NCALD: variants seen among roughly 807,000 people sequenced by gnomAD.
NCALD encodes the protein neurocalcin-delta.
Under a neutral mutation model 18.6 loss-of-function variants are expected in NCALD, and 10 were observed. The observed-to-expected ratio is 0.54, with a 90% CI of 0.33 to 0.91. The LOEUF (loss-of-function observed/expected upper bound fraction) is 0.91, where lower values mean the gene tolerates loss of function less well. Ranked by LOEUF, NCALD falls within the 40% of genes least tolerant of loss-of-function variation. The pLI is 0.03. For missense variants in NCALD, 184 were observed against 247.6 expected, an observed-to-expected ratio of 0.74 and a Z score of 1.72; for synonymous variants, 88 against 87.4, an observed-to-expected ratio of 1.01 and a Z score of -0.04.
intron 4 of NCALD, among the ~76,000 whole-genome samples, chr8:101,854,907 T>C (rs984492624): frequency 6.6e-6 from 1 of 152,164 alleles, no homozygotes; most frequent in African/African-American, 2.4e-5. Flanking sequence ...GTACTAGGGA[T>C]ACTGAGATCA....
chr8:101,935,836 G>GTCT (rs2131728476), intron 2 of NCALD, among the ~76,000 whole-genome samples: 1 of 142,562 alleles, frequency 7.0e-6, no homozygotes, highest in African/African-American at 2.6e-5. Context: ...TATGTAAGAT[G>GTCT]ATGGAAATGA....
chr8:102,111,531 A>C (rs553507808), intron 1 of NCALD, among the ~76,000 whole-genome samples: 21 of 152,094 alleles, frequency 1.4e-4, no homozygotes, highest in Non-Finnish European at 2.8e-4. Flanking sequence ...ATGGTGCAGC[A>C]ATCTGCCTTT....
rs564304285 is a variant in NCALD, at chr8:102,060,745, G to T, written c.-209-40456C>A. ...CATTACAATCGGTCATCTGTGTCCC[G>T]AGTACTTCAGGCTTTAACTCAATCA... On this transcript the variant is annotated intron_variant, in intron 1 of 6. Transcript: ENST00000311028. Among the ~76,000 whole-genome samples, 3 of 151,878 alleles carry T rather than the reference G, an allele frequency of 2.0e-5. No individual in the cohort carries two copies. The South Asian group carries it at 6.2e-4, about 32-fold the overall frequency.
Position 101,689,342 on chromosome 8 carries a change from C to T in NCALD, c.549G>A (p.Leu183=), listed in dbSNP as rs1428273943. Residue 183 remains leucine (L), a synonymous_variant, in exon 4 of 4, where the codon CTG becomes CTA. Coordinates refer to ENST00000220931, the MANE Select transcript of NCALD (RefSeq NM_032041.3). This position sits in a 1 kb window ranked among gnomAD's most constrained non-coding sequence, Gnocchi z 4.4. ...AKSDPSIVRL[L]QCDPSSAGQF ...GGCCGGCACTGCTCGGGTCGCACTGCAGGAGGCGCACAATGGACGGGTCGC... is the reference window on the plus strand; with the variant it reads ...GGCCGGCACTGCTCGGGTCGCACTGTAGGAGGCGCACAATGGACGGGTCGC... The T allele has an allele frequency of 1.2e-6, 2 of 1,613,742 alleles. No individual in the cohort carries two copies. The highest frequency in any genetic ancestry group is 2.7e-5 in the African/African-American group (2 of 75,050).
intron 3 of NCALD, among the ~76,000 whole-genome samples, chr8:101,907,693 C>T (rs1052333901): frequency 3.3e-5 from 5 of 152,180 alleles, no homozygotes; most frequent in African/African-American, 1.2e-4. Flanking sequence ...TATTTCCAAC[C>T]CAGTGCTAGG....
chr8:101,806,824 G>A (rs1813119609), intron 4 of NCALD, among the ~76,000 whole-genome samples: 1 of 151,440 alleles, frequency 6.6e-6, no homozygotes, highest in East Asian at 1.9e-4. Context: ...ACTCCAAACA[G>A]GATAAACACA....
chr8:101,707,799 C>T (rs570703287), intron 2 of NCALD, among the ~76,000 whole-genome samples: 25 of 152,108 alleles, frequency 1.6e-4, no homozygotes, highest in Admixed American at 1.0e-3. Context: ...ACCCAGGAGA[C>T]GGAGGTTGCG....
At chr8:102,010,675 A>G (rs944814765) in intron 2 of NCALD, among the ~76,000 whole-genome samples, 2 of 152,236 alleles carry the variant, frequency 1.3e-5, no homozygotes, top group Admixed American at 6.5e-5. Context: ...GGGAAAGAAC[A>G]GCAACTTTGG....
chr8:101,834,783 A>G (rs1814339544), intron 4 of NCALD, among the ~76,000 whole-genome samples: 1 of 152,250 alleles, frequency 6.6e-6, no homozygotes, highest in African/African-American at 2.4e-5. Flanking sequence ...GGAGGAACTT[A>G]AGACACTTTA....
At position 102,111,600 on chromosome 8, in the gene NCALD, C is replaced by T. The variant is rs183468098; in HGVS notation, c.-210+12637G>A. On this transcript the variant is annotated intron_variant, in intron 1 of 6. Transcript: ENST00000311028. ...CAAAGGAACCCCAGCCAGAGCAACA[C>T]CCCAATATTAAAAAGTTTTAAATAA... is the stretch of plus-strand genomic sequence containing the variant. 2.2e-3 allele frequency among the ~76,000 whole-genome samples: 329 copies of T among 152,258 alleles called. 2 individuals carry two copies. The highest frequency in any genetic ancestry group is 7.5e-3 in the African/African-American group (310 of 41,538).
intron 2 of NCALD, among the ~76,000 whole-genome samples, chr8:102,019,903 T>A (rs773590322): frequency 1.3e-5 from 2 of 152,180 alleles, no homozygotes; most frequent in African/African-American, 4.8e-5. Context: ...AAACTAGGAA[T>A]AGAAGAGAAC....
At chr8:102,026,846 T>A (rs1478076655) in intron 1 of NCALD, among the ~76,000 whole-genome samples, 1 of 152,168 alleles carries the variant, frequency 6.6e-6, no homozygotes, top group East Asian at 1.9e-4. Flanking sequence ...TTTCCATACA[T>A]CCTCTGAAAT....
At chr8:102,056,206 A>C (rs1823644121) in intron 1 of NCALD, among the ~76,000 whole-genome samples, 1 of 152,228 alleles carries the variant, frequency 6.6e-6, no homozygotes, top group Non-Finnish European at 1.5e-5. Flanking sequence ...TTGAGAAAGA[A>C]TTTGTGTAAC....
At chr8:101,872,256 T>C in intron 4 of NCALD, 2 of 1,411,502 alleles carry the variant, frequency 1.4e-6, no homozygotes, top group South Asian at 1.2e-5. Flanking sequence ...AATACTTCCC[T>C]GAAATCTCCA....
chr8:102,037,404 A>G (rs1430148325), intron 1 of NCALD, among the ~76,000 whole-genome samples: 1 of 152,188 alleles, frequency 6.6e-6, no homozygotes, highest in Non-Finnish European at 1.5e-5. Context: ...AATATTTAAG[A>G]ACATGTTAAA....
intron 2 of NCALD, among the ~76,000 whole-genome samples, chr8:101,714,660 C>A (rs1815976707): frequency 6.6e-6 from 1 of 151,998 alleles, no homozygotes; most frequent in African/African-American, 2.4e-5. Context: ...TCATATGAAA[C>A]CAAAAAAGAG....
intron 1 of NCALD, among the ~76,000 whole-genome samples, chr8:102,076,397 T>C (rs1824350789): frequency 6.6e-6 from 1 of 152,160 alleles, no homozygotes; most frequent in Admixed American, 6.5e-5. Context: ...ACCACCTGCC[T>C]GTACCGGTTA....
At chr8:101,771,562 C>T (rs917785558) in intron 1 of NCALD, among the ~76,000 whole-genome samples, 1 of 152,144 alleles carries the variant, frequency 6.6e-6, no homozygotes, top group Non-Finnish European at 1.5e-5. Flanking sequence ...ACTACAGGGC[C>T]TACCAGGACA....
intron 1 of NCALD, among the ~76,000 whole-genome samples, chr8:102,045,584 A>G (rs1456821727): frequency 6.6e-6 from 1 of 152,198 alleles, no homozygotes; most frequent in East Asian, 1.9e-4. Flanking sequence ...ACCAACACAG[A>G]GTTCAACTAG....
Sources: gnomAD v4.1 joint callset for allele counts (sites outside exome capture counted in the v4.1 genomes callset) on GRCh38, gnomAD v4.1.1 for gene constraint, Gnocchi (gnomAD v3.1) non-coding constraint, MANE v1.5 for transcripts, NCBI Gene and HGNC (gene_info 2026-07-23, HGNC 2026-07-21) for gene names.